KYNU: variants seen among roughly 807,000 people sequenced by gnomAD.
KYNU encodes the protein L-kynurenine hydrolase.
In KYNU, 54 loss-of-function variants were observed where a neutral mutation model predicts 59.2. That is an observed-to-expected ratio of 0.91 (90% CI 0.73 to 1.14). The LOEUF is 1.14. Among genes scored for constraint, KYNU ranks in the 50% most tolerant of loss-of-function variants. The probability of loss-of-function intolerance (pLI) is 0.00; values close to 1 mark genes in which losing one functional copy is unlikely to be tolerated. For synonymous variants in KYNU, 177 were observed against 192.0 expected (o/e 0.92, Z 0.65); for missense variants, 567 against 554.4 (o/e 1.02, Z -0.23).
chr2:142,983,247 A>G (rs1408695304), intron 8 of KYNU, among the ~76,000 whole-genome samples: 1 of 152,036 alleles, frequency 6.6e-6, no homozygotes, highest in Non-Finnish European at 1.5e-5. Context: ...TTTATCTTCC[A>G]TCTGGGCCAG....
chr2:142,896,478 T>A (rs1242754284), intron 2 of KYNU, among the ~76,000 whole-genome samples: 2 of 152,228 alleles, frequency 1.3e-5, no homozygotes, highest in African/African-American at 4.8e-5. Flanking sequence ...TACTTTTTTT[T>A]AATTGGATTT....
chr2:142,971,879 T>G (rs1466978164), intron 8 of KYNU, among the ~76,000 whole-genome samples: 1 of 152,218 alleles, frequency 6.6e-6, no homozygotes, highest in Non-Finnish European at 1.5e-5. Context: ...TTTTGTAAGT[T>G]TTGAGTTCTT....
chr2:142,941,165 C>T (rs1343571701), intron 4 of KYNU, among the ~76,000 whole-genome samples: 1 of 152,190 alleles, frequency 6.6e-6, no homozygotes, highest in African/African-American at 2.4e-5. Context: ...TTTTGATGGG[C>T]AGCCCCCCAT....
chr2:142,988,351 G>A (rs1245751842), intron 10 of KYNU, among the ~76,000 whole-genome samples: 2 of 151,862 alleles, frequency 1.3e-5, no homozygotes, highest in Non-Finnish European at 2.9e-5. Flanking sequence ...CAAAGTTTAT[G>A]GTTTGTGACT....
chr2:143,021,482 G>T (rs931684434), intron 10 of KYNU, among the ~76,000 whole-genome samples: 2 of 152,200 alleles, frequency 1.3e-5, no homozygotes, highest in African/African-American at 4.8e-5. Context: ...GGTTCAATTG[G>T]CTCGTGGTTC....
At chr2:143,041,920 A>G (rs978911941) in intron 13 of KYNU, 127 bp from the exon 14 acceptor site, 8 of 910,612 alleles carry the variant, frequency 8.8e-6, no homozygotes, top group East Asian at 2.7e-5. Context: ...AAAGTAAAAA[A>G]ATTTTGCATA....
chr2:143,002,514 A>G (rs1287589874), intron 10 of KYNU, among the ~76,000 whole-genome samples: 2 of 152,230 alleles, frequency 1.3e-5, no homozygotes, highest in Non-Finnish European at 2.9e-5. Context: ...TCTGTCAGAT[A>G]TACCCAGCAA....
rs1487577025 is a variant in KYNU, at chr2:143,050,142, A to AGG, written c.*7970_*7971insGG. The AGG allele has an allele frequency of 2.0e-5, 3 of 149,314 alleles. No homozygotes were observed. Among genetic ancestry groups the AGG allele is most frequent in the Non-Finnish European group, 3.0e-5 (2 of 67,398 alleles). The allele number at this position is 149,314 out of a possible 1,614,324, so 9.2% of individuals were successfully genotyped here. A position where few individuals can be genotyped will look rare whatever the true frequency, so the allele number is the denominator to read the frequency against. On this transcript the variant is annotated 3_prime_UTR_variant, in exon 14 of 14. Transcript: ENST00000264170. Reference sequence around the variant, plus strand: ...TGATAATTAAATATATATTTAAATAATATAAATATAATAAATATTTGAAGC... The same window carrying AGG: ...TGATAATTAAATATATATTTAAATAAGGTATAAATATAATAAATATTTGAAGC...
chr2:143,042,233 T>C lies in KYNU; in HGVS notation c.*61T>C. ...GAAAGCTGCTGTGGTTATTTCAGTATTATTCGATTTTTAATTATTGAAAGT... is the reference window on the plus strand; with the variant it reads ...GAAAGCTGCTGTGGTTATTTCAGTACTATTCGATTTTTAATTATTGAAAGT... On this transcript the variant is annotated 3_prime_UTR_variant, in exon 14 of 14. Transcript: ENST00000264170. 2 of 1,502,594 alleles carry C rather than the reference T, an allele frequency of 1.3e-6. No individual in the cohort carries two copies. The highest frequency in any genetic ancestry group is 9.2e-7 in the Non-Finnish European group (1 of 1,091,092). The allele number at this position is 1,502,594 out of a possible 1,614,324, so 93.1% of individuals were successfully genotyped here.
intron 2 of KYNU, among the ~76,000 whole-genome samples, chr2:142,902,130 C>T (rs1682116974): frequency 6.6e-6 from 1 of 152,152 alleles, no homozygotes. Context: ...AAGATCTCTT[C>T]CCTGTATTAT....
At chr2:142,973,827 C>G (rs913005588) in intron 8 of KYNU, among the ~76,000 whole-genome samples, 21 of 152,158 alleles carry the variant, frequency 1.4e-4, no homozygotes, top group African/African-American at 5.1e-4. Flanking sequence ...ATCCCACCAT[C>G]TCTGTCTTTA....
rs1478527797 is a variant in KYNU, at chr2:142,960,696, C to T, written c.655C>T (p.Leu219=). ...GGAAGGAGACTCAATTGCAGTGATC[C>T]TGTTCAGTGGGGTGCATTTTTACAC... is the stretch of plus-strand genomic sequence containing the variant. ...EKEGDSIAVI[L]FSGVHFYTGQ... The change falls in exon 8 of 14, where the codon CTG becomes TTG. Residue 219 remains leucine (L), a synonymous_variant. Transcript: ENST00000264170. 1 of 1,613,728 alleles carries T rather than the reference C, an allele frequency of 6.2e-7. No individual in the cohort carries two copies. The highest frequency in any genetic ancestry group is 1.3e-5 in the African/African-American group (1 of 74,978).
chr2:142,901,186 A>T (rs1682071459), intron 2 of KYNU, among the ~76,000 whole-genome samples: 1 of 152,098 alleles, frequency 6.6e-6, no homozygotes, highest in Non-Finnish European at 1.5e-5. Context: ...GTAAATAATG[A>T]TTTGGCCATC....
chr2:142,965,629 C>T (rs1410516174), intron 8 of KYNU, among the ~76,000 whole-genome samples: 2 of 152,154 alleles, frequency 1.3e-5, no homozygotes, highest in African/African-American at 2.4e-5. Flanking sequence ...GCAGCTTCAT[C>T]TGTTTCTTTC....
At chr2:142,940,187 T>C (rs1195333549) in intron 4 of KYNU, among the ~76,000 whole-genome samples, 1 of 152,236 alleles carries the variant, frequency 6.6e-6, no homozygotes, top group African/African-American at 2.4e-5. Flanking sequence ...TTCTAATATG[T>C]AAACAAAAAA....
chr2:142,905,409 G>T lies in KYNU; in HGVS notation c.170-13200G>T, dbSNP rs1054599177. 3.9e-5 allele frequency among the ~76,000 whole-genome samples: 6 copies of T among 152,234 alleles called. No homozygotes were observed. In the South Asian group the frequency reaches 1.2e-3, roughly 32 times the overall value. On this transcript the variant is annotated intron_variant, in intron 2 of 13. Coordinates refer to ENST00000264170, the MANE Select transcript of KYNU (RefSeq NM_003937.3). The stretch of plus-strand genomic sequence containing the variant: ...TATCAATTAATGAATACCCATTGTG[G>T]TTTTTTTCTCAATCACCCGAGAGGA...
intron 3 of KYNU, among the ~76,000 whole-genome samples, chr2:142,925,919 T>A (rs565925946): frequency 1.3e-5 from 2 of 152,342 alleles, no homozygotes; most frequent in Admixed American, 6.5e-5. Context: ...CCTAAAGAAT[T>A]AAGAACTGTT....
chr2:142,932,395 C>G lies in KYNU; in HGVS notation c.373+4654C>G, dbSNP rs539712314. Among the ~76,000 whole-genome samples, 51 of 152,110 alleles carry G rather than the reference C, an allele frequency of 3.4e-4. 1 individual carries two copies. In the South Asian group the frequency reaches 0.011, roughly 32 times the overall value. On this transcript the variant is annotated intron_variant, in intron 4 of 13. Transcript: ENST00000264170. ...GACAGGGAGAGAAACTGGCCTTGCA[C>G]GGATCATAGGGCTATTTGTTTCACT... is the stretch of plus-strand genomic sequence containing the variant.
At chr2:143,008,092 A>G (rs1248384352) in intron 10 of KYNU, among the ~76,000 whole-genome samples, 9 of 119,918 alleles carry the variant, frequency 7.5e-5, no homozygotes, top group South Asian at 6.0e-4. Flanking sequence ...TAAATTCTCC[A>G]ATTAAAAGAC....
Sources: gnomAD v4.1 joint callset for allele counts (sites outside exome capture counted in the v4.1 genomes callset) on GRCh38, gnomAD v4.1.1 for gene constraint, MANE v1.5 for transcripts, NCBI Gene and HGNC (gene_info 2026-07-23, HGNC 2026-07-21) for gene names.